Variants in CNTN4 observed in about 807,000 individuals in gnomAD.
CNTN4 encodes contactin-4.
In CNTN4, 77 loss-of-function variants were observed where a neutral mutation model predicts 122.5. That is an observed-to-expected ratio of 0.63 (90% CI 0.52 to 0.76). The LOEUF (loss-of-function observed/expected upper bound fraction) is 0.76, where lower values mean the gene tolerates loss of function less well. Ranked by LOEUF, CNTN4 falls within the 30% of genes least tolerant of loss-of-function variation. The pLI is 0.00. For missense variants in CNTN4, 1,256 were observed against 1,259.1 expected (o/e 1.00, Z 0.04); for synonymous variants, 512 against 447.0 (o/e 1.15, Z -1.83).
chr3:2,421,289 G>A (rs1387947442), intron 3 of CNTN4, among the ~76,000 whole-genome samples: 1 of 141,196 alleles, frequency 7.1e-6, no homozygotes, highest in African/African-American at 2.7e-5. Context: ...GTCTGGCTCT[G>A]TTGCCCAGGC....
intron 2 of CNTN4, among the ~76,000 whole-genome samples, chr3:2,320,097 A>C (rs569443580): frequency 5.9e-5 from 9 of 152,188 alleles, no homozygotes; most frequent in African/African-American, 2.2e-4. Flanking sequence ...ACAAGAATCA[A>C]TCAGGCTGTT....
At chr3:2,227,938 A>T (rs1292278189) in intron 2 of CNTN4, among the ~76,000 whole-genome samples, 1 of 152,192 alleles carries the variant, frequency 6.6e-6, no homozygotes, top group Admixed American at 6.5e-5. Context: ...AGTGCTTTGA[A>T]GTACCATAGT....
At chr3:2,861,395 G>A (rs996499342) in intron 7 of CNTN4, among the ~76,000 whole-genome samples, 1 of 152,076 alleles carries the variant, frequency 6.6e-6, no homozygotes, top group African/African-American at 2.4e-5. Context: ...GTAAATATTT[G>A]ACCAACAAAG....
intron 6 of CNTN4, among the ~76,000 whole-genome samples, chr3:2,809,264 C>G (rs1379552023): frequency 6.6e-6 from 1 of 152,170 alleles, no homozygotes; most frequent in Admixed American, 6.5e-5. Context: ...TAATGCTGCT[C>G]TGAAGAAGGG....
At chr3:2,728,095 AAC>A (rs1313721442) in intron 4 of CNTN4, among the ~76,000 whole-genome samples, 1 of 152,192 alleles carries the variant, frequency 6.6e-6, no homozygotes, top group African/African-American at 2.4e-5. Flanking sequence ...TATAAATACT[AAC>A]AACACTAAAT....
At position 3,031,035 on chromosome 3, in the gene CNTN4, C is replaced by T. The variant is rs1456223789; in HGVS notation, c.1783+60C>T. ...TATTTTCATGATATCTACTGTAGCG[C>T]AGAGTTCCAGAAACCTCAGTGGTTT... On this transcript the variant is annotated intron_variant, in intron 16 of 24. Coordinates refer to ENST00000418658, the MANE Select transcript of CNTN4 (RefSeq NM_175607.3). 14 of 1,605,448 alleles carry T rather than the reference C, an allele frequency of 8.7e-6. 1 individual carries two copies. Among genetic ancestry groups the T allele is most frequent in the Admixed American group, 1.7e-5 (1 of 59,976 alleles).
At chr3:2,950,979 A>G (rs1027213154) in intron 13 of CNTN4, among the ~76,000 whole-genome samples, 4 of 152,222 alleles carry the variant, frequency 2.6e-5, no homozygotes, top group Admixed American at 2.6e-4. Context: ...TGATGAATGA[A>G]TTCACTAGCT....
intron 6 of CNTN4, among the ~76,000 whole-genome samples, chr3:2,749,775 GT>G (rs1428630768): frequency 6.6e-6 from 1 of 152,082 alleles, no homozygotes; most frequent in Non-Finnish European, 1.5e-5. Flanking sequence ...GTTTCTAGAT[GT>G]TTTTCCCTAT....
intron 3 of CNTN4, among the ~76,000 whole-genome samples, chr3:2,387,180 A>G (rs2046285525): frequency 6.6e-6 from 1 of 152,200 alleles, no homozygotes; most frequent in Non-Finnish European, 1.5e-5. Context: ...TGAATGAAAT[A>G]TTGAAAAATA....
intron 4 of CNTN4, among the ~76,000 whole-genome samples, chr3:2,669,929 C>T (rs1247860185): frequency 6.6e-6 from 1 of 152,260 alleles, no homozygotes; most frequent in African/African-American, 2.4e-5. Context: ...ATCCTGAGTT[C>T]TAGTTTGATT....
chr3:2,387,209 T>C (rs1473480028), intron 3 of CNTN4, among the ~76,000 whole-genome samples: 1 of 152,338 alleles, frequency 6.6e-6, no homozygotes, highest in East Asian at 1.9e-4. Context: ...TACTTAGATG[T>C]GACACAGTCT....
At chr3:2,424,948 T>A (rs896084722) in intron 3 of CNTN4, among the ~76,000 whole-genome samples, 10 of 152,230 alleles carry the variant, frequency 6.6e-5, no homozygotes, top group Admixed American at 2.6e-4. Context: ...TTGTTAGAGT[T>A]CTTTGTAGAT....
At chr3:2,371,070 A>G (rs1237997768) in intron 3 of CNTN4, among the ~76,000 whole-genome samples, 1 of 152,186 alleles carries the variant, frequency 6.6e-6, no homozygotes, top group Non-Finnish European at 1.5e-5. Flanking sequence ...TTTGAGATGG[A>G]AGTGGGAGAA....
chr3:2,198,586 T>C lies in CNTN4; in HGVS notation c.-145+97947T>C, dbSNP rs1022625216. Among the ~76,000 whole-genome samples, 15 of 152,264 alleles carry C rather than the reference T, an allele frequency of 9.9e-5. 1 individual carries two copies. The East Asian group carries it at 2.9e-3, about 29-fold the overall frequency. On this transcript the variant is annotated intron_variant, in intron 2 of 24. Transcript: ENST00000418658. ...CAAATATCCAAATTTATAAATAACT[T>C]TGGAGCTCTGAATTAGCATAAAATC...
intron 3 of CNTN4, among the ~76,000 whole-genome samples, chr3:2,530,165 A>G (rs1487060154): frequency 1.3e-5 from 2 of 152,112 alleles, no homozygotes; most frequent in African/African-American, 4.8e-5. Flanking sequence ...TGCCTCTCCA[A>G]CATTTTCATC....
intron 5 of CNTN4, among the ~76,000 whole-genome samples, chr3:2,742,224 T>C (rs2089496500): frequency 6.6e-6 from 1 of 152,148 alleles, no homozygotes; most frequent in South Asian, 2.1e-4. Flanking sequence ...AACTGACCTC[T>C]CTTCTTTGTG....
At chr3:2,269,367 G>A (rs571733096) in intron 2 of CNTN4, among the ~76,000 whole-genome samples, 2 of 152,100 alleles carry the variant, frequency 1.3e-5, no homozygotes, top group East Asian at 3.9e-4. Flanking sequence ...CCACAGTTTG[G>A]TAATTCCACA....
chr3:2,714,518 C>T (rs2087360489), intron 4 of CNTN4, among the ~76,000 whole-genome samples: 1 of 152,040 alleles, frequency 6.6e-6, no homozygotes. Context: ...AAGATAGCAC[C>T]TGTGGAGTAA....
chr3:2,706,999 A>G (rs1446214798), intron 4 of CNTN4, among the ~76,000 whole-genome samples: 1 of 151,536 alleles, frequency 6.6e-6, no homozygotes, highest in Non-Finnish European at 1.5e-5. Context: ...TGTGTATGTA[A>G]TTATAAAATA....
Sources: allele counts gnomAD v4.1 joint callset (sites outside exome capture counted in the v4.1 genomes callset), GRCh38; gene constraint gnomAD v4.1.1; transcripts MANE v1.5; gene names NCBI Gene and HGNC (gene_info 2026-07-23, HGNC 2026-07-21).